MPP7: variants seen among roughly 807,000 people sequenced by gnomAD.
MPP7 encodes the protein MAGUK p55 scaffold protein 7.
Under a neutral mutation model 76.5 loss-of-function variants are expected in MPP7, and 60 were observed. The ratio of observed to expected loss-of-function variants is 0.78; its 90% CI spans 0.64 to 0.97. The LOEUF is 0.97. MPP7 is among the 50% of genes least tolerant of loss of function. The pLI, the probability that MPP7 is intolerant of heterozygous loss-of-function variation, is 0.00. For synonymous variants in MPP7, 237 were observed against 244.5 expected (o/e 0.97, Z 0.29); for missense variants, 641 against 694.0 (o/e 0.92, Z 0.86).
At position 28,088,865 on chromosome 10, in the gene MPP7, C is replaced by T. The variant is rs554630448; in HGVS notation, c.1123+806G>A. 3.8e-3 allele frequency among the ~76,000 whole-genome samples: 574 copies of T among 152,272 alleles called. 3 individuals carry two copies. The highest frequency in any genetic ancestry group is 6.3e-3 in the Non-Finnish European group (429 of 68,024). Reference sequence around the variant, plus strand: ...CAATCGATGTTTGTGAAAATACCCACATTCCTTTATTAACTGCCTTTTTAT... The same window carrying T: ...CAATCGATGTTTGTGAAAATACCCATATTCCTTTATTAACTGCCTTTTTAT... On this transcript the variant is annotated intron_variant, in intron 12 of 16. Coordinates refer to ENST00000683449, the MANE Select transcript of MPP7 (RefSeq NM_001318170.2).
At chr10:28,306,666 GAT>G (rs1051809334), upstream of MPP7, among the ~76,000 whole-genome samples, 2 of 107,934 alleles carry the variant, frequency 1.9e-5, no homozygotes, top group African/African-American at 6.8e-5. Flanking sequence ...ATGATAGATA[GAT>G]AGAGAGAGAG....
At chr10:28,078,864 G>A (rs769966714) in intron 12 of MPP7, among the ~76,000 whole-genome samples, 2 of 152,124 alleles carry the variant, frequency 1.3e-5, no homozygotes, top group Non-Finnish European at 2.9e-5. Context: ...CCAAAGTTAC[G>A]TAGCCCATTT....
intron 6 of MPP7, among the ~76,000 whole-genome samples, chr10:28,127,751 T>C (rs949664875): frequency 2.6e-5 from 4 of 152,144 alleles, no homozygotes; most frequent in African/African-American, 9.7e-5. Flanking sequence ...AGCCGAACCC[T>C]ATCAGGTGGT....
chr10:28,105,692 G>A (rs1348412560), intron 11 of MPP7, among the ~76,000 whole-genome samples: 2 of 152,112 alleles, frequency 1.3e-5, no homozygotes, highest in Non-Finnish European at 2.9e-5. Flanking sequence ...ATTTTCAGTA[G>A]AGAAGGAGTT....
At chr10:28,182,136 T>C (rs1837078387) in intron 3 of MPP7, among the ~76,000 whole-genome samples, 1 of 151,750 alleles carries the variant, frequency 6.6e-6, no homozygotes, top group African/African-American at 2.4e-5. Flanking sequence ...CATCAGAATG[T>C]ACAAAATAAT....
chr10:28,176,007 T>C (rs553722070), intron 3 of MPP7, among the ~76,000 whole-genome samples: 4 of 152,274 alleles, frequency 2.6e-5, no homozygotes, highest in African/African-American at 9.6e-5. Flanking sequence ...GGAAATAATA[T>C]ATGTAAAGTA....
At chr10:28,062,231 G>T (rs1470744810) in intron 13 of MPP7, among the ~76,000 whole-genome samples, 4 of 152,054 alleles carry the variant, frequency 2.6e-5, no homozygotes, top group Admixed American at 2.6e-4. Context: ...ATTAGGCTGG[G>T]GGAAAGGGTC....
intron 13 of MPP7, among the ~76,000 whole-genome samples, chr10:28,069,152 T>C (rs1156573315): frequency 1.3e-5 from 2 of 152,210 alleles, no homozygotes; most frequent in East Asian, 3.8e-4. Context: ...AGAAGATCTA[T>C]TTGATAGCAC....
chr10:28,131,095 TG>T (rs1438197222), intron 6 of MPP7, among the ~76,000 whole-genome samples: 1 of 152,212 alleles, frequency 6.6e-6, no homozygotes, highest in African/African-American at 2.4e-5. Flanking sequence ...CCACGCCTCC[TG>T]ACCAAATAAG....
At chr10:28,301,632 G>C (rs1334710516) in intron 1 of MPP7, among the ~76,000 whole-genome samples, 1 of 152,244 alleles carries the variant, frequency 6.6e-6, no homozygotes, top group East Asian at 1.9e-4. Flanking sequence ...GAGTAAAGTG[G>C]GGCAGGATTC....
At chr10:28,142,235 A>G (rs778621245) in intron 5 of MPP7, among the ~76,000 whole-genome samples, 4 of 152,214 alleles carry the variant, frequency 2.6e-5, no homozygotes, top group Non-Finnish European at 4.4e-5. Flanking sequence ...AAGATTAAAG[A>G]AAAATAACTA....
chr10:28,186,337 C>T (rs186370002), intron 3 of MPP7, among the ~76,000 whole-genome samples: 1 of 130,630 alleles, frequency 7.7e-6, no homozygotes, highest in East Asian at 2.0e-4. Context: ...CAGAGCAAGA[C>T]TCCATCTCAG....
upstream of MPP7, among the ~76,000 whole-genome samples, chr10:28,303,997 G>C (rs186939898): frequency 6.6e-6 from 1 of 152,162 alleles, no homozygotes; most frequent in East Asian, 1.9e-4. Context: ...TTAGAAAAAG[G>C]GGTAGTAAAA....
intron 11 of MPP7, among the ~76,000 whole-genome samples, chr10:28,107,879 G>T (rs1184623473): frequency 6.6e-6 from 1 of 152,120 alleles, no homozygotes; most frequent in Non-Finnish European, 1.5e-5. Flanking sequence ...GTGATGTAGG[G>T]GGAGGTGTTA....
At chr10:28,118,993 G>A in intron 11 of MPP7, 1 of 985,330 alleles carries the variant, frequency 1.0e-6, no homozygotes, top group Non-Finnish European at 1.2e-6. Flanking sequence ...GGTGGAACAG[G>A]GAATTTATGG....
intron 12 of MPP7, among the ~76,000 whole-genome samples, chr10:28,081,897 T>C (rs1852781829): frequency 6.6e-6 from 1 of 151,820 alleles, no homozygotes; most frequent in South Asian, 2.1e-4. Flanking sequence ...GGACTACAGG[T>C]GACTGCCAAC....
intron 1 of MPP7, among the ~76,000 whole-genome samples, chr10:28,330,841 G>A (rs754862152): frequency 1.3e-5 from 2 of 151,986 alleles, no homozygotes; most frequent in Admixed American, 1.3e-4. Context: ...ATTGTTTTTC[G>A]TAGAGTTGAG....
intron 5 of MPP7, among the ~76,000 whole-genome samples, chr10:28,145,284 A>G (rs549257391): frequency 6.6e-4 from 101 of 152,084 alleles, no homozygotes; most frequent in Non-Finnish European, 1.2e-3. Flanking sequence ...CAATGAATTA[A>G]GTATTTAAAA....
intron 3 of MPP7, among the ~76,000 whole-genome samples, chr10:28,152,738 A>C (rs1457011679): frequency 6.6e-6 from 1 of 152,146 alleles, no homozygotes; most frequent in Non-Finnish European, 1.5e-5. Flanking sequence ...TGCAGTCTAT[A>C]ATTTCTCTTT....
Sources: allele counts gnomAD v4.1 joint callset (sites outside exome capture counted in the v4.1 genomes callset), GRCh38; gene constraint gnomAD v4.1.1; transcripts MANE v1.5; gene names NCBI Gene and HGNC (gene_info 2026-07-23, HGNC 2026-07-21).